Variants in GALNTL6 observed in about 807,000 individuals in gnomAD.
GALNTL6 encodes the protein polypeptide N-acetylgalactosaminyltransferase like 6.
Under a neutral mutation model 73.7 loss-of-function variants are expected in GALNTL6, and 46 were observed. The observed-to-expected ratio is 0.62, with a 90% CI of 0.49 to 0.80. The LOEUF (loss-of-function observed/expected upper bound fraction) is 0.80. GALNTL6 is among the 30% of genes least tolerant of loss of function. The probability of loss-of-function intolerance (pLI) is 0.00; values close to 1 mark genes in which losing one functional copy is unlikely to be tolerated. For synonymous variants in GALNTL6, 259 were observed against 263.7 expected (o/e 0.98, Z 0.17); for missense variants, 604 against 755.0 (o/e 0.80, Z 2.34).
chr4:171,979,314 G>A (rs1739820156), intron 2 of GALNTL6, among the ~76,000 whole-genome samples: 1 of 152,028 alleles, frequency 6.6e-6, no homozygotes, highest in South Asian at 2.1e-4. Context: ...AGAAAACATT[G>A]TAATTTCATA....
intron 2 of GALNTL6, among the ~76,000 whole-genome samples, chr4:172,013,081 C>T (rs1056579328): frequency 2.0e-5 from 3 of 152,018 alleles, no homozygotes; most frequent in Non-Finnish European, 4.4e-5. Flanking sequence ...TTATGGGATG[C>T]TGAGTGATAT....
intron 5 of GALNTL6, among the ~76,000 whole-genome samples, chr4:172,503,755 C>G (rs1372211815): frequency 6.6e-6 from 1 of 150,758 alleles, no homozygotes; most frequent in Non-Finnish European, 1.5e-5. Context: ...AAACAGAAAA[C>G]ATCAGCACAG....
At chr4:171,903,743 C>T (rs1199976899) in intron 2 of GALNTL6, among the ~76,000 whole-genome samples, 27 of 151,058 alleles carry the variant, frequency 1.8e-4, no homozygotes, top group Admixed American at 1.1e-3. Context: ...TAAATGTCCC[C>T]GTCTGACAGC....
intron 5 of GALNTL6, among the ~76,000 whole-genome samples, chr4:172,794,538 T>C (rs1740162931): frequency 6.6e-6 from 1 of 152,236 alleles, no homozygotes; most frequent in South Asian, 2.1e-4. Context: ...CTCCATTCCC[T>C]GGAGAAGAGG....
At chr4:172,156,571 A>ATATATAGTGTATATAT (rs751638637) in intron 2 of GALNTL6, among the ~76,000 whole-genome samples, 1 of 70,964 alleles carries the variant, frequency 1.4e-5, no homozygotes, top group African/African-American at 6.3e-5. Flanking sequence ...ATATATACAT[A>ATATATAGTGTATATAT]CTATATATAT....
chr4:172,432,788 T>C (rs1257404510), intron 5 of GALNTL6, among the ~76,000 whole-genome samples: 1 of 152,064 alleles, frequency 6.6e-6, no homozygotes, highest in Non-Finnish European at 1.5e-5. Flanking sequence ...AAAAAAAATC[T>C]GAACATTCTG....
intron 12 of GALNTL6, among the ~76,000 whole-genome samples, chr4:173,034,922 C>T (rs967811313): frequency 3.3e-5 from 5 of 152,106 alleles, no homozygotes; most frequent in Admixed American, 3.3e-4. Flanking sequence ...TAAAATAGTG[C>T]CTGGCAAATA....
intron 5 of GALNTL6, among the ~76,000 whole-genome samples, chr4:172,524,240 C>CATTTATTTATTT (rs551492279): frequency 1.3e-5 from 2 of 150,036 alleles, no homozygotes; most frequent in Admixed American, 6.7e-5. Context: ...ATTTTTTGCT[C>CATTTATTTATTT]ATTTATTTAT....
intron 5 of GALNTL6, among the ~76,000 whole-genome samples, chr4:172,741,500 A>G (rs963461359): frequency 6.6e-6 from 1 of 152,088 alleles, no homozygotes; most frequent in East Asian, 1.9e-4. Context: ...GTACATATAC[A>G]TATGTATACA....
At chr4:171,826,053 A>G (rs1219217924) in intron 2 of GALNTL6, among the ~76,000 whole-genome samples, 1 of 152,202 alleles carries the variant, frequency 6.6e-6, no homozygotes, top group African/African-American at 2.4e-5. Flanking sequence ...TCACAAGTTA[A>G]AAGTATAAAC....
At chr4:172,198,926 C>T (rs898454141) in intron 2 of GALNTL6, among the ~76,000 whole-genome samples, 1 of 152,042 alleles carries the variant, frequency 6.6e-6, no homozygotes, top group South Asian at 2.1e-4. Context: ...CTAATGATAG[C>T]CAACTCCTAA....
chr4:172,172,221 A>G (rs1400120020), intron 2 of GALNTL6, among the ~76,000 whole-genome samples: 2 of 152,124 alleles, frequency 1.3e-5, no homozygotes, highest in African/African-American at 4.8e-5. Flanking sequence ...TTTTTGAGAC[A>G]GAGTCTCACT....
rs569071212 is a variant in GALNTL6 at position 172,327,243 on chromosome 4, T to C, written c.386+15491T>C. Among the ~76,000 whole-genome samples, 14 of 152,298 alleles carry C rather than the reference T, an allele frequency of 9.2e-5. No homozygotes were observed. The South Asian group carries it at 2.9e-3, about 32-fold the overall frequency. On this transcript the variant is annotated intron_variant, in intron 4 of 12. Coordinates refer to ENST00000506823, the MANE Select transcript of GALNTL6 (RefSeq NM_001034845.3). The stretch of plus-strand genomic sequence containing the variant: ...TTTTAGTTTTGATTTTTATATCTAT[T>C]GTGCTGTGGTCCAAGAGTGTGTTTC...
At chr4:172,975,226 G>A (rs1276514018) in intron 10 of GALNTL6, among the ~76,000 whole-genome samples, 1 of 152,198 alleles carries the variant, frequency 6.6e-6, no homozygotes, top group East Asian at 1.9e-4. Flanking sequence ...CAGCTCTCAG[G>A]ACACCCAAAG....
chr4:172,760,487 C>A (rs1043622892), intron 5 of GALNTL6, among the ~76,000 whole-genome samples: 1 of 152,188 alleles, frequency 6.6e-6, no homozygotes, highest in South Asian at 2.1e-4. Context: ...TTGCTCTCAC[C>A]TTCCCACCTT....
intron 5 of GALNTL6, among the ~76,000 whole-genome samples, chr4:172,544,143 C>T (rs1261748104): frequency 3.3e-5 from 5 of 152,172 alleles, no homozygotes; most frequent in Non-Finnish European, 4.4e-5. Context: ...ACTTGGCTCA[C>T]AGGACCAGAT....
At chr4:172,433,173 T>C (rs1453326185) in intron 5 of GALNTL6, among the ~76,000 whole-genome samples, 1 of 152,176 alleles carries the variant, frequency 6.6e-6, no homozygotes, top group Non-Finnish European at 1.5e-5. Context: ...TCTAGGACTA[T>C]CTTCAAGAAT....
rs1753867526 is a variant in GALNTL6, at chr4:173,040,795, C to G, written c.*695C>G. On this transcript the variant is annotated 3_prime_UTR_variant, in exon 13 of 13. Coordinates refer to ENST00000506823, the MANE Select transcript of GALNTL6 (RefSeq NM_001034845.3). The stretch of plus-strand genomic sequence containing the variant: ...TTATGAAAGTTCATGCTCCATGAAT[C>G]CACTGAATTTCTAATTCAGTGCCCT... 6.6e-6 allele frequency: 1 copy of G among 152,100 alleles called. No homozygotes were observed. Among genetic ancestry groups the G allele is most frequent in the Non-Finnish European group, 1.5e-5 (1 of 67,950 alleles). The allele number at this position is 152,100 out of a possible 1,614,324, so 9.4% of individuals were successfully genotyped here.
intron 5 of GALNTL6, among the ~76,000 whole-genome samples, chr4:172,454,355 A>G (rs1732316722): frequency 6.6e-6 from 1 of 152,206 alleles, no homozygotes; most frequent in African/African-American, 2.4e-5. Flanking sequence ...TAAATCTAAA[A>G]TCCACCCAAA....
Sources: gnomAD v4.1 joint callset for allele counts (sites outside exome capture counted in the v4.1 genomes callset) on GRCh38, gnomAD v4.1.1 for gene constraint, MANE v1.5 for transcripts, NCBI Gene and HGNC (gene_info 2026-07-23, HGNC 2026-07-21) for gene names.